Variants in MYOM1 observed in about 807,000 individuals in gnomAD.
The protein encoded by MYOM1 is myomesin 1, also known as myomesin-1.
Under a neutral mutation model 205.3 loss-of-function variants are expected in MYOM1, and 164 were observed. That is an observed-to-expected ratio of 0.80 (90% confidence interval 0.70 to 0.91). The LOEUF (loss-of-function observed/expected upper bound fraction) is 0.91, where lower values mean the gene tolerates loss of function less well. MYOM1 is among the 40% of genes least tolerant of loss of function. The pLI is 0.00. For synonymous variants in MYOM1, 772 were observed against 789.4 expected (o/e 0.98, Z 0.37); for missense variants, 2,011 against 2,127.3 (o/e 0.95, Z 1.08).
intron 34 of MYOM1, among the ~76,000 whole-genome samples, chr18:3,077,595 A>G (rs1045063704): frequency 6.6e-6 from 1 of 152,160 alleles, no homozygotes; most frequent in Non-Finnish European, 1.5e-5. Context: ...GGCCGAGCCA[A>G]TCTGTGCTTG....
intron 5 of MYOM1, among the ~76,000 whole-genome samples, chr18:3,183,201 T>C (rs1294262737): frequency 6.6e-6 from 1 of 152,174 alleles, no homozygotes; most frequent in Admixed American, 6.5e-5. Flanking sequence ...AGTGCTGGGA[T>C]TACAGGCGTG....
chr18:3,115,186 A>T (rs921067628), intron 21 of MYOM1, among the ~76,000 whole-genome samples: 1 of 152,160 alleles, frequency 6.6e-6, no homozygotes, highest in Non-Finnish European at 1.5e-5. Context: ...AGCAAACAAC[A>T]TCATAGGCTT....
At chr18:3,235,604 C>T in the MYOM1 span, among the ~76,000 whole-genome samples, 2 of 152,194 alleles carry the variant, frequency 1.3e-5, no homozygotes, top group Admixed American at 1.3e-4. Context: ...CATCTTTATA[C>T]ATTGAATGCC....
intron 25 of MYOM1, among the ~76,000 whole-genome samples, chr18:3,095,746 G>C (rs60249550): frequency 0.083 from 12,555 of 152,132 alleles, 552 homozygotes; most frequent in East Asian, 0.15. Context: ...GTGGAGCTGA[G>C]AGCAGGGTCA....
intron 29 of MYOM1, among the ~76,000 whole-genome samples, chr18:3,086,562 C>T (rs991752572): frequency 2.6e-5 from 4 of 152,106 alleles, no homozygotes; most frequent in African/African-American, 4.8e-5. Flanking sequence ...AATGAGTAAG[C>T]GCCAATCTAT....
In MYOM1 at chr18:3,155,714, G is replaced by T. The variant is rs77051482; in HGVS notation, c.1502-626C>A. 4.1e-3 allele frequency among the ~76,000 whole-genome samples: 628 copies of T among 152,280 alleles called. 4 individuals carry two copies. The highest frequency in any genetic ancestry group is 0.014 in the African/African-American group (570 of 41,536). On this transcript the variant is annotated intron_variant, in intron 10 of 37. Transcript: ENST00000356443. The stretch of plus-strand genomic sequence containing the variant: ...AAGATTGCATTCAGACAAGTCAGTT[G>T]TGCCAGAAAGTCTGTTCTCATGACA...
chr18:3,116,100 G>A (rs1381456210), intron 21 of MYOM1, among the ~76,000 whole-genome samples: 2 of 152,180 alleles, frequency 1.3e-5, no homozygotes, highest in Non-Finnish European at 2.9e-5. Flanking sequence ...AGAGGAAGGA[G>A]CTGCTGGGTG....
At position 3,129,301 on chromosome 18, in the gene MYOM1, G is replaced by A; in HGVS notation, c.2725C>T (p.Pro909Ser). 1 of 1,613,980 alleles carries A rather than the reference G, an allele frequency of 6.2e-7. No individual in the cohort carries two copies. Among genetic ancestry groups the A allele is most frequent in the Non-Finnish European group, 8.5e-7 (1 of 1,179,884 alleles). The change falls in exon 18 of 38, where the codon CCG becomes TCG. Residue 909 changes from proline to serine, a missense_variant. Physicochemically the swap from Pro to Ser is moderately conservative, Grantham distance 74 (BLOSUM62 -1). Transcript: ENST00000356443. Reference protein sequence around the residue: ...VSETVQEELTPPPQKAAPQGK... With the variant: ...VSETVQEELTSPPQKAAPQGK... The stretch of plus-strand genomic sequence containing the variant: ...TGAGGAGCCGCTTTCTGTGGTGGCG[G>A]GGTAAGCTCTTCCTGAACTGTTTCA...
Position 3,195,291 on chromosome 18 carries a change from T to G in MYOM1, c.291-1333A>C, listed in dbSNP as rs955454751. 3.5e-4 allele frequency among the ~76,000 whole-genome samples: 53 copies of G among 152,198 alleles called. 3 individuals carry two copies. Among genetic ancestry groups the G allele is most frequent in the Non-Finnish European group, 2.9e-5 (2 of 68,036 alleles). On this transcript the variant is annotated intron_variant, in intron 2 of 37. Coordinates refer to ENST00000356443, the MANE Select transcript of MYOM1 (RefSeq NM_003803.4). ...CTACCACCTCCCCCAGTGGGGAATA[T>G]CCATCTCTTTTTCTATGATGAGCAT...
At chr18:3,085,199 T>C (rs1322218092) in intron 30 of MYOM1, 67 bp from the exon 31 acceptor site, 28 of 888,456 alleles carry the variant, frequency 3.2e-5, no homozygotes, top group Non-Finnish European at 4.6e-5. Flanking sequence ...TGTGATTTTT[T>C]TTTTTCTTCT....
chr18:3,178,288 C>T (rs1375287993), intron 5 of MYOM1, among the ~76,000 whole-genome samples: 7 of 152,186 alleles, frequency 4.6e-5, no homozygotes, highest in Non-Finnish European at 8.8e-5. Context: ...TGAGATAGTG[C>T]TGTTTTTAAC....
At chr18:3,148,832 C>T (rs1370271248) in intron 13 of MYOM1, among the ~76,000 whole-genome samples, 1 of 104,722 alleles carries the variant, frequency 9.5e-6, no homozygotes, top group South Asian at 3.3e-4. Context: ...GGCGACAGAG[C>T]GAGACTCCAT....
At chr18:3,245,257 T>C in the MYOM1 span, among the ~76,000 whole-genome samples, 7 of 152,166 alleles carry the variant, frequency 4.6e-5, no homozygotes, top group Non-Finnish European at 2.9e-5. Context: ...AATTTCTTAC[T>C]ATGAGTATTG....
At chr18:3,220,696 A>G (rs1224556770), upstream of MYOM1, among the ~76,000 whole-genome samples, 1 of 152,172 alleles carries the variant, frequency 6.6e-6, no homozygotes, top group Non-Finnish European at 1.5e-5. Context: ...ATCCCACTAT[A>G]TTGATAGCAC....
the MYOM1 span, among the ~76,000 whole-genome samples, chr18:3,226,793 G>A: frequency 4.1e-4 from 62 of 152,292 alleles, no homozygotes; most frequent in African/African-American, 1.4e-3. This position sits in a 1 kb window ranked among gnomAD's most constrained non-coding sequence, Gnocchi z 4.6. Flanking sequence ...AAGAATTACT[G>A]AATGAGGAAA....
rs373624207 is a variant in MYOM1 at position 3,116,334 on chromosome 18, C to T, written c.3300G>A (p.Leu1100=). 5.0e-5 allele frequency: 81 copies of T among 1,610,836 alleles called. No individual in the cohort carries two copies. Among genetic ancestry groups the T allele is most frequent in the South Asian group, 1.1e-4 (10 of 90,620 alleles). Residue 1100 remains leucine, a synonymous_variant, in exon 21 of 38, where the codon CTG becomes CTA. Transcript: ENST00000356443. ...CTAGAACTGAGCAGCCTCTTACCTT[C>T]AGGTATACGTTTTTAATAGCCGCCT... is the stretch of plus-strand genomic sequence containing the variant. ...LNEAAIKNVY[L]KVRGLKEGVS...
At chr18:3,164,028 A>T (rs200541632) in intron 10 of MYOM1, among the ~76,000 whole-genome samples, 160 of 150,234 alleles carry the variant, frequency 1.1e-3, no homozygotes, top group South Asian at 8.5e-3. Flanking sequence ...AATCAAAAAA[A>T]TTTTTTTTTG....
chr18:3,150,799 C>T (rs953019929), intron 12 of MYOM1, among the ~76,000 whole-genome samples: 16 of 152,006 alleles, frequency 1.1e-4, no homozygotes, highest in Non-Finnish European at 2.4e-4. Context: ...TTGGAGACTA[C>T]ATATATTAAA....
At position 3,131,075 on chromosome 18, in the gene MYOM1, C is replaced by G. The variant is rs35876933; in HGVS notation, c.2506+300G>C. Among the ~76,000 whole-genome samples the G allele has an allele frequency of 0.14, 20,945 of 152,218 alleles. 1,870 individuals carry two copies. Among genetic ancestry groups the G allele is most frequent in the Non-Finnish European group, 0.2 (13,865 of 68,004 alleles). ...TTCATGGAATCGGAATGGCCCTTCA[C>G]AGTCCCAGGATGAGCATGAAGTTAG... On this transcript the variant is annotated intron_variant, in intron 17 of 37. Transcript: ENST00000356443.
Sources: gnomAD v4.1 joint callset for allele counts (sites outside exome capture counted in the v4.1 genomes callset) on GRCh38, gnomAD v4.1.1 for gene constraint, Gnocchi (gnomAD v3.1) non-coding constraint, MANE v1.5 for transcripts, NCBI Gene and HGNC (gene_info 2026-07-23, HGNC 2026-07-21) for gene names.